Variants in CCDC192 observed in about 807,000 individuals in gnomAD.
CCDC192 encodes coiled-coil domain containing 192, also known as coiled-coil domain-containing protein 192.
At position 127,930,740 on chromosome 5, in the gene CCDC192, A is replaced by C. The variant is rs557133017; in HGVS notation, c.536-10442A>C. Among the ~76,000 whole-genome samples, 24 of 152,316 alleles carry C rather than the reference A, an allele frequency of 1.6e-4. 1 individual carries two copies. The South Asian group carries it at 5.0e-3, about 32-fold the overall frequency. ...AAGGAACTGATGAGCTAAGTAAGTT[A>C]GCCTAGGTTATCCTACCCTCAATCC... On this transcript the variant is annotated intron_variant, in intron 6 of 6. Coordinates refer to ENST00000514853, the MANE Select transcript of CCDC192 (RefSeq NM_001317938.2).
intron 2 of CCDC192, among the ~76,000 whole-genome samples, chr5:127,722,865 T>C (rs1277997084): frequency 6.6e-6 from 1 of 152,200 alleles, no homozygotes; most frequent in Non-Finnish European, 1.5e-5. Context: ...TATAGCTCTG[T>C]GGTATAATTT....
At chr5:127,778,628 C>T (rs1280856897) in intron 3 of CCDC192, among the ~76,000 whole-genome samples, 1 of 152,100 alleles carries the variant, frequency 6.6e-6, no homozygotes, top group Non-Finnish European at 1.5e-5. Context: ...GAAGAATTTC[C>T]TTATCTTCTG....
intron 5 of CCDC192, among the ~76,000 whole-genome samples, chr5:127,870,991 GTTA>G (rs1380788900): frequency 6.6e-6 from 1 of 152,220 alleles, no homozygotes; most frequent in African/African-American, 2.4e-5. Context: ...AAACCCCTTT[GTTA>G]TACAGGCTCT....
At chr5:127,730,058 C>G (rs1447951062) in intron 2 of CCDC192, among the ~76,000 whole-genome samples, 1 of 151,950 alleles carries the variant, frequency 6.6e-6, no homozygotes, top group Admixed American at 6.6e-5. Context: ...ACAAAAAACC[C>G]TTCCAAAAAT....
chr5:127,828,802 G>A (rs541331064), intron 5 of CCDC192, among the ~76,000 whole-genome samples: 1 of 152,318 alleles, frequency 6.6e-6, no homozygotes, highest in South Asian at 2.1e-4. Context: ...CCTTGAAAAG[G>A]AATAAGGGCA....
intron 5 of CCDC192, among the ~76,000 whole-genome samples, chr5:127,868,259 C>T (rs554751412): frequency 3.3e-5 from 5 of 152,226 alleles, no homozygotes; most frequent in South Asian, 2.1e-4. Context: ...TCCCATTGCT[C>T]TTCAGTTCTT....
intron 5 of CCDC192, among the ~76,000 whole-genome samples, chr5:127,847,455 T>C (rs1750606511): frequency 6.6e-6 from 1 of 152,222 alleles, no homozygotes; most frequent in African/African-American, 2.4e-5. Flanking sequence ...AAACAGCCAA[T>C]TTAATGTTTA....
chr5:127,926,443 A>G lies in CCDC192; in HGVS notation c.536-14739A>G, dbSNP rs566435230. Among the ~76,000 whole-genome samples the G allele has an allele frequency of 9.8e-5, 15 of 152,308 alleles. 1 individual carries two copies. The South Asian group carries it at 2.9e-3, about 29-fold the overall frequency. Reference sequence around the variant, plus strand: ...TCCTTGATAAACTAGTACCCCATAGAGATTGAGAACGTATTTTGTGAAAGA... The same window carrying G: ...TCCTTGATAAACTAGTACCCCATAGGGATTGAGAACGTATTTTGTGAAAGA... On this transcript the variant is annotated intron_variant, in intron 6 of 6. Transcript: ENST00000514853.
intron 6 of CCDC192, 196 bp from the exon 7 acceptor site, chr5:127,940,986 T>G: frequency 2.6e-6 from 1 of 386,498 alleles, no homozygotes; most frequent in Non-Finnish European, 4.6e-6. Flanking sequence ...TTTGTTTTGT[T>G]TCTTTTTTCA....
At chr5:127,864,384 C>A (rs2127111660) in intron 5 of CCDC192, among the ~76,000 whole-genome samples, 1 of 152,226 alleles carries the variant, frequency 6.6e-6, no homozygotes, top group South Asian at 2.1e-4. Context: ...TGCATATCTC[C>A]CAGAAATGAG....
intron 5 of CCDC192, among the ~76,000 whole-genome samples, chr5:127,864,956 G>C (rs1328075414): frequency 6.6e-6 from 1 of 152,150 alleles, no homozygotes; most frequent in African/African-American, 2.4e-5. Context: ...GGCCATCCTG[G>C]CTAACATGGT....
intron 3 of CCDC192, among the ~76,000 whole-genome samples, chr5:127,764,416 C>T (rs190154655): frequency 6.6e-6 from 1 of 152,280 alleles, no homozygotes; most frequent in East Asian, 1.9e-4. Flanking sequence ...CAAGACAGAT[C>T]CCAAGTTTCA....
intron 5 of CCDC192, among the ~76,000 whole-genome samples, chr5:127,858,526 C>G (rs1751205758): frequency 6.6e-6 from 1 of 152,200 alleles, no homozygotes; most frequent in African/African-American, 2.4e-5. Context: ...TCACAGTTGG[C>G]AACTGACTGC....
chr5:127,886,578 G>A (rs1382122695), intron 6 of CCDC192, among the ~76,000 whole-genome samples: 1 of 152,076 alleles, frequency 6.6e-6, no homozygotes, highest in Non-Finnish European at 1.5e-5. Context: ...TCTTCCTTAT[G>A]ATTTTCTGAA....
chr5:127,852,307 T>C (rs1013506782), intron 5 of CCDC192, among the ~76,000 whole-genome samples: 1 of 152,230 alleles, frequency 6.6e-6, no homozygotes, highest in African/African-American at 2.4e-5. Context: ...ATAAAGCATA[T>C]GTTTGATTAT....
In CCDC192 at chr5:127,719,534, CATAT is replaced by C. The variant is rs1158638020; in HGVS notation, c.114+11796_114+11799del. Among the ~76,000 whole-genome samples, 273 of 42,266 alleles carry C rather than the reference CATAT, an allele frequency of 6.5e-3. 20 individuals carry two copies. The highest frequency in any genetic ancestry group is 0.022 in the African/African-American group (261 of 12,086). 27.7% of individuals were successfully genotyped at this position (42,266 alleles called of 152,430 possible). ...ATATATATATATATATACACACATA[CATAT>C]ATATATATATATATATATATACACA... On this transcript the variant is annotated intron_variant, in intron 2 of 6. Coordinates refer to ENST00000514853, the MANE Select transcript of CCDC192 (RefSeq NM_001317938.2).
chr5:127,725,798 G>C (rs1713689094), intron 2 of CCDC192, among the ~76,000 whole-genome samples: 1 of 152,108 alleles, frequency 6.6e-6, no homozygotes, highest in Non-Finnish European at 1.5e-5. Context: ...GAAAAAATAA[G>C]TATTCTAAAC....
intron 2 of CCDC192, among the ~76,000 whole-genome samples, chr5:127,718,438 A>G (rs902852208): frequency 6.6e-6 from 1 of 152,202 alleles, no homozygotes; most frequent in Non-Finnish European, 1.5e-5. Context: ...GCTCCTTCAA[A>G]TGGCAAAAAG....
chr5:127,749,487 T>C (rs1753994104), intron 2 of CCDC192, among the ~76,000 whole-genome samples: 2 of 152,034 alleles, frequency 1.3e-5, no homozygotes. Context: ...TGGATAAGCT[T>C]TTTGATGTGC....
Sources: gnomAD v4.1 joint callset for allele counts (sites outside exome capture counted in the v4.1 genomes callset) on GRCh38, gnomAD v4.1.1 for gene constraint, MANE v1.5 for transcripts, NCBI Gene and HGNC (gene_info 2026-07-23, HGNC 2026-07-21) for gene names.